The following FOXP1 variants were observed in gnomAD, a reference collection of about 807,000 sequenced individuals.
FOXP1 encodes the protein forkhead box protein P1.
Under a neutral mutation model 98.2 loss-of-function variants are expected in FOXP1, and 15 were observed. The observed-to-expected ratio is 0.15, with a 90% CI of 0.10 to 0.24. The LOEUF (loss-of-function observed/expected upper bound fraction) is 0.24. FOXP1 is among the 10% of genes least tolerant of loss of function. The probability of loss-of-function intolerance (pLI) is 1.00; values close to 1 mark genes in which losing one functional copy is unlikely to be tolerated. For synonymous variants in FOXP1, 371 were observed against 314.5 expected, an observed-to-expected ratio of 1.18 and a Z score of -1.90; for missense variants, 633 against 848.5, an observed-to-expected ratio of 0.75 and a Z score of 3.15.
chr3:71,504,239 AC>A (rs1236409303), intron 2 of FOXP1, among the ~76,000 whole-genome samples: 1 of 152,174 alleles, frequency 6.6e-6, no homozygotes, highest in African/African-American at 2.4e-5. Flanking sequence ...TCAATACAAT[AC>A]TTGGAGCACT....
intron 2 of FOXP1, among the ~76,000 whole-genome samples, chr3:71,500,890 T>C (rs890988579): frequency 6.6e-6 from 1 of 152,164 alleles, no homozygotes; most frequent in Admixed American, 6.5e-5. Context: ...AACTGGCAGT[T>C]ACTTCTAAAT....
chr3:71,053,549 C>A (rs2050195874), intron 8 of FOXP1, 87 bp downstream of exon 8: 1 of 1,537,394 alleles, frequency 6.5e-7, no homozygotes, highest in Non-Finnish European at 9.0e-7. Flanking sequence ...AAAGGAGCTG[C>A]TCTGGTGGAG....
At chr3:71,326,789 G>C (rs965706246) in intron 4 of FOXP1, among the ~76,000 whole-genome samples, 2 of 152,218 alleles carry the variant, frequency 1.3e-5, no homozygotes, top group African/African-American at 4.8e-5. Context: ...AAGGGTGTCA[G>C]AGTTGGGAGA....
rs2031982562 is a variant in FOXP1, at chr3:70,956,961, G to A, written c.*2286C>T. 1 of 217,560 alleles carries A rather than the reference G, an allele frequency of 4.6e-6. No homozygotes were observed. The highest frequency in any genetic ancestry group is 2.3e-5 in the African/African-American group (1 of 44,400). 13.5% of individuals were successfully genotyped at this position (217,560 alleles called of 1,614,324 possible). A position where few individuals can be genotyped will look rare whatever the true frequency, so the allele number is the denominator to read the frequency against. ...AATTAAAAATAAAAACAAACTGAAG[G>A]ATATATGCCAAGATAAACCAAAATT... On this transcript the variant is annotated 3_prime_UTR_variant, in exon 21 of 21. Coordinates refer to ENST00000649528, the MANE Select transcript of FOXP1 (RefSeq NM_001349338.3).
At chr3:71,322,249 A>G (rs879453335) in intron 4 of FOXP1, among the ~76,000 whole-genome samples, 2 of 152,366 alleles carry the variant, frequency 1.3e-5, no homozygotes, top group East Asian at 1.9e-4. Flanking sequence ...TATGAAAAAC[A>G]GTAGTCATTA....
intron 4 of FOXP1, among the ~76,000 whole-genome samples, chr3:71,350,880 T>C (rs1213437635): frequency 1.3e-5 from 2 of 152,186 alleles, no homozygotes; most frequent in Non-Finnish European, 2.9e-5. Flanking sequence ...CCCATTGTTT[T>C]GTGTAGGTCA....
intron 7 of FOXP1, among the ~76,000 whole-genome samples, chr3:71,106,737 T>C (rs1327375939): frequency 6.6e-6 from 1 of 150,840 alleles, no homozygotes; most frequent in Non-Finnish European, 1.5e-5. Context: ...TGAGATATGG[T>C]GCACACCACT....
At chr3:71,582,154 C>T (rs2048229289) in intron 1 of FOXP1, 1 of 984,940 alleles carries the variant, frequency 1.0e-6, no homozygotes, top group African/African-American at 1.8e-5. Context: ...GAGCGGAGCT[C>T]CCCAGAGCCC....
chr3:70,972,900 G>A (rs2036571335), intron 17 of FOXP1, among the ~76,000 whole-genome samples: 1 of 152,084 alleles, frequency 6.6e-6, no homozygotes, highest in Non-Finnish European at 1.5e-5. Context: ...TCTAGTCTCT[G>A]GTAATAACTG....
chr3:71,216,839 C>G (rs142938747), intron 5 of FOXP1, among the ~76,000 whole-genome samples: 1 of 152,146 alleles, frequency 6.6e-6, no homozygotes, highest in Non-Finnish European at 1.5e-5. Context: ...GTCCCTCCCC[C>G]ACCAGGGGAC....
intron 8 of FOXP1, among the ~76,000 whole-genome samples, chr3:71,053,110 G>T (rs1454958148): frequency 6.6e-6 from 1 of 152,112 alleles, no homozygotes; most frequent in African/African-American, 2.4e-5. Flanking sequence ...TGTGAAGTCT[G>T]AATATTAGGT....
chr3:71,494,745 G>A (rs1222776937), intron 2 of FOXP1, among the ~76,000 whole-genome samples: 1 of 152,090 alleles, frequency 6.6e-6, no homozygotes, highest in Non-Finnish European at 1.5e-5. Context: ...GTGGGCCTGA[G>A]ATTCTGCATT....
chr3:71,069,552 G>A (rs2052964652), intron 7 of FOXP1, among the ~76,000 whole-genome samples: 1 of 152,148 alleles, frequency 6.6e-6, no homozygotes, highest in Non-Finnish European at 1.5e-5. Context: ...ACTGAAGTGT[G>A]CAAAGTTCTT....
At chr3:71,150,866 CT>C (rs2060537751) in intron 6 of FOXP1, among the ~76,000 whole-genome samples, 1 of 152,064 alleles carries the variant, frequency 6.6e-6, no homozygotes, top group Non-Finnish European at 1.5e-5. Context: ...CTTTTTTCCT[CT>C]TTTCGTATTC....
At chr3:71,374,578 G>A (rs1171933669) in intron 3 of FOXP1, among the ~76,000 whole-genome samples, 4 of 148,080 alleles carry the variant, frequency 2.7e-5, no homozygotes, top group Middle Eastern at 3.3e-3. Context: ...AGGTAACACA[G>A]CAAGAGACTC....
Position 71,227,389 on chromosome 3 carries a change from GA to G in FOXP1, c.-11-28998del, listed in dbSNP as rs2065924283. Among the ~76,000 whole-genome samples the G allele has an allele frequency of 2.0e-5, 3 of 152,182 alleles. No individual in the cohort carries two copies. In the South Asian group the frequency reaches 6.2e-4, roughly 32 times the overall value. ...AAACATACACTTGTCAAAACAAATT[GA>G]AAACACTCTCCCGCCAAAGAAACCC... On this transcript the variant is annotated intron_variant, in intron 5 of 20. Coordinates refer to ENST00000649528, the MANE Select transcript of FOXP1 (RefSeq NM_001349338.3).
At chr3:71,396,951 T>TACAC (rs1560424127) in intron 3 of FOXP1, among the ~76,000 whole-genome samples, 3 of 52,844 alleles carry the variant, frequency 5.7e-5, no homozygotes, top group African/African-American at 1.6e-4. Flanking sequence ...TATATATGTG[T>TACAC]ATATATATAT....
chr3:70,990,033 C>A lies in FOXP1; in HGVS notation c.1063-1956G>T, dbSNP rs145597615. Among the ~76,000 whole-genome samples, 35 of 152,296 alleles carry A rather than the reference C, an allele frequency of 2.3e-4. No homozygotes were observed. The East Asian group carries it at 6.8e-3, about 29-fold the overall frequency. On this transcript the variant is annotated intron_variant, in intron 13 of 20. Coordinates refer to ENST00000649528, the MANE Select transcript of FOXP1 (RefSeq NM_001349338.3). ...CATAAACCCTGGAAGTAACTGCCATCGGAAACATTTTCATATTTTTCCATG... is the reference window on the plus strand; with the variant it reads ...CATAAACCCTGGAAGTAACTGCCATAGGAAACATTTTCATATTTTTCCATG...
In FOXP1 at chr3:71,509,296, G is replaced by A. The variant is rs192693990; in HGVS notation, c.-297-15741C>T. The stretch of plus-strand genomic sequence containing the variant: ...CTCATGACTCTAGAAGCTGAAAGTC[G>A]AAGATCAAGGTATCCACAGGGTGGG... On this transcript the variant is annotated intron_variant, in intron 2 of 20. Coordinates refer to ENST00000649528, the MANE Select transcript of FOXP1 (RefSeq NM_001349338.3). 4.2e-3 allele frequency among the ~76,000 whole-genome samples: 640 copies of A among 152,212 alleles called. 4 individuals carry two copies. The highest frequency in any genetic ancestry group is 0.015 in the African/African-American group (613 of 41,520).
Sources: gnomAD v4.1 joint callset for allele counts (sites outside exome capture counted in the v4.1 genomes callset) on GRCh38, gnomAD v4.1.1 for gene constraint, MANE v1.5 for transcripts, NCBI Gene and HGNC (gene_info 2026-07-23, HGNC 2026-07-21) for gene names.